The following ARHGAP10 variants were observed in gnomAD, a reference collection of about 807,000 sequenced individuals.
ARHGAP10 encodes Rho GTPase activating protein 10.
In ARHGAP10, 87 loss-of-function variants were observed where a neutral mutation model predicts 108.6. The observed-to-expected ratio is 0.80, with a 90% CI of 0.67 to 0.96. The LOEUF is 0.96. Ranked by LOEUF, ARHGAP10 falls within the 40% of genes least tolerant of loss-of-function variation. The pLI, the probability that ARHGAP10 is intolerant of heterozygous loss-of-function variation, is 0.00. For synonymous variants in ARHGAP10, 347 were observed against 341.1 expected (o/e 1.02, Z -0.19); for missense variants, 939 against 954.5 (o/e 0.98, Z 0.21).
At chr4:147,965,983 G>A (rs1056332860) in intron 17 of ARHGAP10, among the ~76,000 whole-genome samples, 1 of 152,198 alleles carries the variant, frequency 6.6e-6, no homozygotes, top group Non-Finnish European at 1.5e-5. Context: ...TTTGAAGATG[G>A]TATCTTTGAA....
chr4:147,973,073 T>C (rs995938687), intron 18 of ARHGAP10, among the ~76,000 whole-genome samples: 4 of 152,126 alleles, frequency 2.6e-5, no homozygotes, highest in African/African-American at 7.2e-5. Context: ...ACATTTCTGT[T>C]GAGAGCCAGA....
At chr4:147,751,073 G>GGAGGCT (rs1284980423) in intron 1 of ARHGAP10, among the ~76,000 whole-genome samples, 1 of 151,678 alleles carries the variant, frequency 6.6e-6, no homozygotes, top group Non-Finnish European at 1.5e-5. Context: ...CATCTACGTG[G>GGAGGCT]GAGGCTGAGG....
intron 18 of ARHGAP10, among the ~76,000 whole-genome samples, chr4:147,970,128 C>T (rs1183213185): frequency 2.0e-5 from 3 of 152,186 alleles, no homozygotes; most frequent in Admixed American, 2.0e-4. Flanking sequence ...TGTTCCTGCT[C>T]AGTTGGACTT....
At chr4:148,025,426 A>G (rs1446621592) in intron 19 of ARHGAP10, among the ~76,000 whole-genome samples, 4 of 152,000 alleles carry the variant, frequency 2.6e-5, no homozygotes, top group Non-Finnish European at 4.4e-5. Flanking sequence ...TAGTGATTTA[A>G]TCTTATGTTA....
intron 4 of ARHGAP10, among the ~76,000 whole-genome samples, chr4:147,856,964 C>T (rs557871866): frequency 5.3e-5 from 8 of 152,272 alleles, no homozygotes; most frequent in South Asian, 2.1e-4. Context: ...GTGATTCTCA[C>T]GCCTCAGCCT....
chr4:148,057,066 A>G (rs1238021642), intron 20 of ARHGAP10, among the ~76,000 whole-genome samples: 2 of 152,212 alleles, frequency 1.3e-5, no homozygotes, highest in Non-Finnish European at 2.9e-5. Flanking sequence ...CAGGCTAATG[A>G]TGGCAACTGT....
At chr4:147,930,699 G>GTTTACCA (rs1255201801) in intron 13 of ARHGAP10, among the ~76,000 whole-genome samples, 3 of 151,742 alleles carry the variant, frequency 2.0e-5, no homozygotes, top group Non-Finnish European at 2.9e-5. Context: ...TATTCTCCCT[G>GTTTACCA]TTTACCATTT....
chr4:147,926,400 G>A (rs1424752628), intron 13 of ARHGAP10, among the ~76,000 whole-genome samples: 1 of 152,192 alleles, frequency 6.6e-6, no homozygotes, highest in Non-Finnish European at 1.5e-5. Context: ...AACAGAATTT[G>A]ATGACCTGCT....
At chr4:147,742,959 T>C (rs933549183) in intron 1 of ARHGAP10, among the ~76,000 whole-genome samples, 3 of 151,374 alleles carry the variant, frequency 2.0e-5, no homozygotes, top group African/African-American at 7.3e-5. Flanking sequence ...GGGAATACAG[T>C]GTCCTTGACA....
chr4:147,849,960 C>G (rs1011476961), intron 4 of ARHGAP10, among the ~76,000 whole-genome samples: 2 of 152,140 alleles, frequency 1.3e-5, no homozygotes, highest in Non-Finnish European at 2.9e-5. Context: ...GCTTCTGGGT[C>G]GGGTGGGGAC....
intron 10 of ARHGAP10, among the ~76,000 whole-genome samples, chr4:147,886,763 G>A (rs1735583012): frequency 6.6e-6 from 1 of 152,044 alleles, no homozygotes; most frequent in African/African-American, 2.4e-5. Flanking sequence ...ATCATACTGT[G>A]TTTTCTTTTT....
chr4:147,991,553 C>T (rs1159894894), intron 18 of ARHGAP10, among the ~76,000 whole-genome samples: 1 of 152,218 alleles, frequency 6.6e-6, no homozygotes, highest in African/African-American at 2.4e-5. Flanking sequence ...GTCACATGCG[C>T]ATCCTTTACC....
At chr4:147,858,855 G>T (rs1282820078) in intron 5 of ARHGAP10, among the ~76,000 whole-genome samples, 1 of 152,156 alleles carries the variant, frequency 6.6e-6, no homozygotes, top group Non-Finnish European at 1.5e-5. Flanking sequence ...TTCTCATTAG[G>T]TATTTCATTT....
At chr4:147,870,960 G>T (rs1038746699) in intron 7 of ARHGAP10, among the ~76,000 whole-genome samples, 1 of 132,120 alleles carries the variant, frequency 7.6e-6, no homozygotes, top group African/African-American at 3.1e-5. Flanking sequence ...GTGTGTGTGT[G>T]TGTGTGTGTG....
At chr4:147,784,934 T>TA (rs74559306) in intron 1 of ARHGAP10, among the ~76,000 whole-genome samples, 1 of 112,540 alleles carries the variant, frequency 8.9e-6, no homozygotes, top group African/African-American at 3.1e-5. Flanking sequence ...ATATATGTTA[T>TA]AAAATATAAA....
Position 147,866,732 on chromosome 4 carries a change from G to A in ARHGAP10, c.618G>A (p.Gly206=), listed in dbSNP as rs143552684. The change falls in exon 7 of 23, where the codon GGG becomes GGA. Residue 206 remains glycine (G), a synonymous_variant. Transcript: ENST00000336498. ...CTTAGATGCTGTCATTTTTTCAGGGGATGTTTACCTTCTATCATCAGGGCC... is the reference window on the plus strand; with the variant it reads ...CTTAGATGCTGTCATTTTTTCAGGGAATGTTTACCTTCTATCATCAGGGCC... ...FVEPMLSFFQ[G]MFTFYHQGHE... is the part of the protein sequence containing the mutation. The A allele has an allele frequency of 2.2e-4, 356 of 1,612,602 alleles. No individual in the cohort carries two copies. The highest frequency in any genetic ancestry group is 1.6e-3 in the Admixed American group (98 of 59,826).
intron 13 of ARHGAP10, among the ~76,000 whole-genome samples, chr4:147,919,089 G>A (rs1344678785): frequency 3.3e-5 from 5 of 152,104 alleles, no homozygotes; most frequent in Non-Finnish European, 5.9e-5. Context: ...AATGACATTT[G>A]ACGTTTTTAT....
intron 10 of ARHGAP10, among the ~76,000 whole-genome samples, chr4:147,891,977 A>G (rs1735811122): frequency 6.6e-6 from 1 of 152,136 alleles, no homozygotes; most frequent in Admixed American, 6.5e-5. Flanking sequence ...CATTTGCTTG[A>G]TAAATAATTA....
intron 3 of ARHGAP10, among the ~76,000 whole-genome samples, chr4:147,837,937 A>T (rs999029504): frequency 2.6e-5 from 4 of 152,082 alleles, no homozygotes; most frequent in African/African-American, 9.7e-5. Context: ...GTTTCAGACA[A>T]CTTGAACACG....
Sources: allele counts gnomAD v4.1 joint callset (sites outside exome capture counted in the v4.1 genomes callset), GRCh38; gene constraint gnomAD v4.1.1; transcripts MANE v1.5; gene names NCBI Gene and HGNC (gene_info 2026-07-23, HGNC 2026-07-21).